Variants in DDX60 observed in about 807,000 individuals in gnomAD.
DDX60 encodes DExD/H-box helicase 60.
Under a neutral mutation model 212.8 loss-of-function variants are expected in DDX60, and 165 were observed. That is an observed-to-expected ratio of 0.78 (90% CI 0.68 to 0.88). The LOEUF (loss-of-function observed/expected upper bound fraction) is 0.88, where lower values mean the gene tolerates loss of function less well. Ranked by LOEUF, DDX60 falls within the 40% of genes least tolerant of loss-of-function variation. The pLI, the probability that DDX60 is intolerant of heterozygous loss-of-function variation, is 0.00. For synonymous variants in DDX60, 703 were observed against 685.3 expected (o/e 1.03, Z -0.40); for missense variants, 1,905 against 2,003.9 (o/e 0.95, Z 0.94).
chr4:168,311,320 T>G lies in DDX60; in HGVS notation c.-61A>C. ...AAGTATTAAAGGTAGCAAATACCCTTTATTTTGGTACCTCTAAGTGGCAGT... is the reference window on the plus strand; with the variant it reads ...AAGTATTAAAGGTAGCAAATACCCTGTATTTTGGTACCTCTAAGTGGCAGT... On this transcript the variant is annotated 5_prime_UTR_variant, in exon 2 of 38. Transcript: ENST00000393743. 1 of 1,591,656 alleles carries G rather than the reference T, an allele frequency of 6.3e-7. No homozygotes were observed. The highest frequency in any genetic ancestry group is 1.1e-5 in the South Asian group (1 of 88,072).
intron 6 of DDX60, among the ~76,000 whole-genome samples, chr4:168,300,936 G>A (rs529781077): frequency 3.3e-5 from 5 of 152,136 alleles, no homozygotes; most frequent in South Asian, 4.2e-4. Context: ...TAATAGTCAC[G>A]GGGGCTCCAA....
At position 168,255,692 on chromosome 4, in the gene DDX60, T is replaced by C. The variant is rs1426723358; in HGVS notation, c.3557+19A>G. 1.9e-6 allele frequency: 3 copies of C among 1,561,986 alleles called. No homozygotes were observed. Among genetic ancestry groups the C allele is most frequent in the African/African-American group, 1.4e-5 (1 of 71,832 alleles). ...TATTTTAACCCTCTACTTATCAATT[T>C]GTTTAGTTAACTACTTACATGATCT... On this transcript the variant is annotated intron_variant, in intron 26 of 37. Coordinates refer to ENST00000393743, the MANE Select transcript of DDX60 (RefSeq NM_017631.6).
chr4:168,309,899 T>A (rs1001224120), intron 3 of DDX60, among the ~76,000 whole-genome samples: 5 of 152,152 alleles, frequency 3.3e-5, no homozygotes, highest in African/African-American at 1.2e-4. Context: ...ATAAGCTAAC[T>A]CTACTGTATT....
At chr4:168,251,644 CAAAAGG>C (rs1364762141) in intron 27 of DDX60, among the ~76,000 whole-genome samples, 1 of 152,006 alleles carries the variant, frequency 6.6e-6, no homozygotes, top group African/African-American at 2.4e-5. Flanking sequence ...CTTCCAAAAG[CAAAAGG>C]CTGGTTAGTG....
At position 168,293,911 on chromosome 4, in the gene DDX60, C is replaced by G; in HGVS notation, c.758G>C (p.Trp253Ser). ...ACGCCGAATGTCAGATCCTTCTGGC[C>G]AGACTTGTGTAAGCAGAGATACAGT... Reference protein sequence around the residue: ...HKTVSLLTQVWPEGSDIRRVF... With the variant: ...HKTVSLLTQVSPEGSDIRRVF... Residue 253 changes from tryptophan to serine, a missense_variant, in exon 7 of 38, where the codon TGG becomes TCG. Transcript: ENST00000393743. 6.2e-7 allele frequency: 1 copy of G among 1,613,702 alleles called. No homozygotes were observed. Among genetic ancestry groups the G allele is most frequent in the East Asian group, 2.2e-5 (1 of 44,848 alleles).
chr4:168,283,952 T>A (rs79722522), intron 12 of DDX60, among the ~76,000 whole-genome samples: 2,595 of 152,208 alleles, frequency 0.017, 124 homozygotes, highest in East Asian at 0.14. Flanking sequence ...ATATTCTGAC[T>A]TCTTGTATCA....
chr4:168,235,481 G>A (rs1326706077), intron 33 of DDX60, among the ~76,000 whole-genome samples: 2 of 152,082 alleles, frequency 1.3e-5, no homozygotes, highest in African/African-American at 4.8e-5. Context: ...AAAAATGCAT[G>A]AGTGGTGAAA....
intron 6 of DDX60, among the ~76,000 whole-genome samples, chr4:168,296,896 C>T (rs1380582624): frequency 7.7e-6 from 1 of 129,936 alleles, no homozygotes; most frequent in Non-Finnish European, 1.6e-5. Context: ...TTTTTTGAGG[C>T]GGAGTCTCAC....
At chr4:168,252,438 T>C (rs1215934266) in intron 27 of DDX60, 71 bp downstream of exon 27, 5 of 1,563,638 alleles carry the variant, frequency 3.2e-6, no homozygotes, top group Non-Finnish European at 4.4e-6. Context: ...TTATTAAGCA[T>C]TATCTACAAC....
intron 25 of DDX60, among the ~76,000 whole-genome samples, chr4:168,259,746 C>CACT (rs1377890488): frequency 6.6e-6 from 1 of 150,576 alleles, no homozygotes; most frequent in African/African-American, 2.4e-5. Context: ...AACGAAATTG[C>CACT]ACTATTTTGT....
At chr4:168,255,653 T>C in intron 26 of DDX60, 58 bp downstream of exon 26, 2 of 1,400,962 alleles carry the variant, frequency 1.4e-6, no homozygotes, top group South Asian at 2.9e-5. Flanking sequence ...CGTTTCCTAC[T>C]AGGACTTGGG....
intron 35 of DDX60, among the ~76,000 whole-genome samples, chr4:168,222,219 A>G (rs1733085618): frequency 6.6e-6 from 1 of 152,208 alleles, no homozygotes; most frequent in Admixed American, 6.5e-5. Context: ...TGTAAACAGA[A>G]TATTAATGAG....
chr4:168,246,260 TA>T (rs1734018303), intron 30 of DDX60, among the ~76,000 whole-genome samples, 157 bp downstream of exon 30: 1 of 152,140 alleles, frequency 6.6e-6, no homozygotes, highest in African/African-American at 2.4e-5. Context: ...TTATTCTCCC[TA>T]GCTACCCCCA....
At chr4:168,292,045 CTTT>C (rs1736130350) in intron 7 of DDX60, 139 bp from the exon 8 acceptor site, 1 of 415,666 alleles carries the variant, frequency 2.4e-6, no homozygotes, top group Non-Finnish European at 3.8e-6. Flanking sequence ...TTCTTTCTTT[CTTT>C]CTTTTTTTTT....
At chr4:168,307,607 C>A (rs925502801) in intron 4 of DDX60, among the ~76,000 whole-genome samples, 1 of 152,052 alleles carries the variant, frequency 6.6e-6, no homozygotes, top group African/African-American at 2.4e-5. Context: ...CCGTGCCCAG[C>A]CAACAAAGCA....
the DDX60 span, among the ~76,000 whole-genome samples, chr4:168,324,609 T>C: frequency 6.6e-6 from 1 of 152,158 alleles, no homozygotes; most frequent in African/African-American, 2.4e-5. Flanking sequence ...CTAAAAGATG[T>C]TAGAAAGGGA....
chr4:168,277,586 C>G (rs1177027952), intron 14 of DDX60, among the ~76,000 whole-genome samples: 1 of 151,888 alleles, frequency 6.6e-6, no homozygotes, highest in Non-Finnish European at 1.5e-5. Context: ...ACCCGTAATC[C>G]CAGCACTTTG....
Position 168,291,737 on chromosome 4 carries a change from A to C in DDX60, c.1041+11T>G. On this transcript the variant is annotated intron_variant, in intron 8 of 37. Transcript: ENST00000393743. ...ACACAAAAATAGTAAACTAATAAAG[A>C]GTACATTTACCATTTGTAATAAAGG... 1 of 1,550,306 alleles carries C rather than the reference A, an allele frequency of 6.5e-7. No homozygotes were observed. Among genetic ancestry groups the C allele is most frequent in the Non-Finnish European group, 8.7e-7 (1 of 1,154,812 alleles).
At chr4:168,323,225 A>C (rs1048472094), upstream of DDX60, among the ~76,000 whole-genome samples, 3 of 152,198 alleles carry the variant, frequency 2.0e-5, no homozygotes, top group African/African-American at 4.8e-5. Context: ...TAGGAAGCAA[A>C]TCAGGTATTT....
Sources: gnomAD v4.1 joint callset for allele counts (sites outside exome capture counted in the v4.1 genomes callset) on GRCh38, gnomAD v4.1.1 for gene constraint, MANE v1.5 for transcripts, NCBI Gene and HGNC (gene_info 2026-07-23, HGNC 2026-07-21) for gene names.